NHS: variants seen among roughly 807,000 people sequenced by gnomAD.
NHS encodes the protein NHS actin remodeling regulator, also known as actin remodeling regulator NHS.
In NHS, 5 loss-of-function variants were observed where a neutral mutation model predicts 72.5. That is an observed-to-expected ratio of 0.07 (90% CI 0.04 to 0.14). The LOEUF (loss-of-function observed/expected upper bound fraction) is 0.14. Ranked by LOEUF, NHS falls within the 10% of genes least tolerant of loss-of-function variation. The pLI is 1.00. For missense variants in NHS, 1,072 were observed against 1,355.7 expected (o/e 0.79, Z 3.29); for synonymous variants, 464 against 547.7 (o/e 0.85, Z 2.13).
intron 1 of NHS, among the ~76,000 whole-genome samples, chrX:17,431,528 A>G (rs2064694724): frequency 9.0e-6 from 1 of 111,506 alleles, no homozygotes; most frequent in African/African-American, 3.3e-5. Flanking sequence ...CTGTGATTGA[A>G]GGGGTATGCT....
intron 1 of NHS, among the ~76,000 whole-genome samples, chrX:17,569,235 C>T (rs183247189): frequency 1.1e-4 from 12 of 111,799 alleles, no homozygotes; most frequent in Admixed American, 8.5e-4. Context: ...CTTGAGGAAT[C>T]GCCACACTGT....
intron 1 of NHS, among the ~76,000 whole-genome samples, chrX:17,647,546 C>T (rs2065911494): frequency 8.9e-6 from 1 of 112,006 alleles, no homozygotes; most frequent in African/African-American, 3.2e-5. Context: ...CCCTCTCTCC[C>T]ACCTGTGTCT....
intron 1 of NHS, among the ~76,000 whole-genome samples, chrX:17,499,291 G>C (rs1601734609): frequency 9.0e-6 from 1 of 111,160 alleles, no homozygotes. Context: ...TGGGGACTCA[G>C]GGACTTACTG....
chrX:17,390,916 A>C (rs1057505705), intron 1 of NHS, among the ~76,000 whole-genome samples: 1 of 112,250 alleles, frequency 8.9e-6, no homozygotes, highest in African/African-American at 3.2e-5. Flanking sequence ...AATAAATTTC[A>C]GTCAAGACAA....
chrX:17,561,254 C>T (rs778233863), intron 1 of NHS, among the ~76,000 whole-genome samples: 1 of 111,974 alleles, frequency 8.9e-6, no homozygotes, highest in Non-Finnish European at 1.9e-5. Context: ...TAGTGAGAAA[C>T]AGTATCTGTG....
chrX:17,652,075 G>C (rs1428522332), intron 1 of NHS, among the ~76,000 whole-genome samples: 1 of 112,347 alleles, frequency 8.9e-6, no homozygotes, highest in Non-Finnish European at 1.9e-5. Context: ...GGCTGCTTTT[G>C]AGCTACAACA....
chrX:17,504,076 C>A (rs1218949015), intron 1 of NHS, among the ~76,000 whole-genome samples: 1 of 111,711 alleles, frequency 9.0e-6, no homozygotes, highest in Non-Finnish European at 1.9e-5. Context: ...AATTGGGAAA[C>A]CAATTCAACT....
At chrX:17,593,105 G>A (rs957923736) in intron 1 of NHS, among the ~76,000 whole-genome samples, 1 of 111,723 alleles carries the variant, frequency 9.0e-6, no homozygotes, top group Non-Finnish European at 1.9e-5. Flanking sequence ...AAACATCATG[G>A]CACAAAATTA....
intron 3 of NHS, among the ~76,000 whole-genome samples, chrX:17,716,129 C>T: frequency 9.0e-6 from 1 of 111,417 alleles, no homozygotes; most frequent in Non-Finnish European, 1.9e-5. Context: ...ATGACCACAA[C>T]TGAAAAGTCT....
At chrX:17,629,878 AG>A (rs2065816904) in intron 1 of NHS, among the ~76,000 whole-genome samples, 1 of 110,712 alleles carries the variant, frequency 9.0e-6, no homozygotes. Context: ...GGAACAAAAC[AG>A]GTCAGTGGTG....
intron 1 of NHS, among the ~76,000 whole-genome samples, chrX:17,429,843 G>C (rs2064679122): frequency 9.0e-6 from 1 of 111,485 alleles, no homozygotes; most frequent in Non-Finnish European, 1.9e-5. Context: ...TTTGTGGTGA[G>C]AATGTTCTCT....
chrX:17,531,783 C>T (rs1470220074), intron 1 of NHS, among the ~76,000 whole-genome samples: 1 of 112,560 alleles, frequency 8.9e-6, no homozygotes, highest in Non-Finnish European at 1.9e-5. Flanking sequence ...TCTCCAGCCC[C>T]ACCTCACCTG....
At chrX:17,403,941 C>T (rs940780312) in intron 1 of NHS, among the ~76,000 whole-genome samples, 3 of 111,433 alleles carry the variant, frequency 2.7e-5, no homozygotes, top group Admixed American at 9.5e-5. Flanking sequence ...TAGTGCTACC[C>T]GGACAGGTGC....
chrX:17,608,380 C>T (rs1208815047), intron 1 of NHS, among the ~76,000 whole-genome samples: 2 of 112,056 alleles, frequency 1.8e-5, no homozygotes, highest in Admixed American at 9.5e-5. Flanking sequence ...GAGTTTCCAC[C>T]CACTGCTGTT....
chrX:17,469,173 T>G (rs1335329604), intron 1 of NHS, among the ~76,000 whole-genome samples: 1 of 112,232 alleles, frequency 8.9e-6, no homozygotes, highest in Non-Finnish European at 1.9e-5. Context: ...CCATATTCCA[T>G]TCCATGGTGT....
intron 3 of NHS, among the ~76,000 whole-genome samples, chrX:17,712,253 G>GTGTATATA (rs1465304467): frequency 8.2e-4 from 41 of 50,143 alleles, no homozygotes; most frequent in South Asian, 3.1e-3. Context: ...TTGTGTGTGT[G>GTGTATATA]TATATATATA....
intron 1 of NHS, among the ~76,000 whole-genome samples, chrX:17,590,208 A>G (rs1010086805): frequency 8.9e-6 from 1 of 111,911 alleles, no homozygotes; most frequent in African/African-American, 3.3e-5. Context: ...ACTGTGTGGC[A>G]GTTGGAATCT....
chrX:17,708,478 TA>T (rs1176192413), intron 3 of NHS, among the ~76,000 whole-genome samples: 2 of 112,156 alleles, frequency 1.8e-5, no homozygotes, highest in Non-Finnish European at 3.8e-5. Context: ...ACTGAATGCC[TA>T]CTATTAATAA....
At chrX:17,534,378 C>T (rs2065213446) in intron 1 of NHS, among the ~76,000 whole-genome samples, 2 of 111,018 alleles carry the variant, frequency 1.8e-5, no homozygotes, top group South Asian at 7.9e-4. Flanking sequence ...TTTCTTCCCC[C>T]AGGCCTATAG....
Sources: gnomAD v4.1 joint callset for allele counts (sites outside exome capture counted in the v4.1 genomes callset) on GRCh38, gnomAD v4.1.1 for gene constraint, MANE v1.5 for transcripts, NCBI Gene and HGNC (gene_info 2026-07-23, HGNC 2026-07-21) for gene names.